The following WDR41 variants were observed in gnomAD, a reference collection of about 807,000 sequenced individuals.
The protein encoded by WDR41 is WD repeat-containing protein 41.
A neutral mutation model predicts 69.3 loss-of-function variants in WDR41; 63 were observed. The observed-to-expected ratio is 0.91, with a 90% CI of 0.74 to 1.12. The LOEUF is 1.12. Among genes scored for constraint, WDR41 ranks in the 50% most tolerant of loss-of-function variants. WDR41 has a pLI of 0.00. For synonymous variants in WDR41, 185 were observed against 192.1 expected, an observed-to-expected ratio of 0.96 and a Z score of 0.31; for missense variants, 543 against 534.5, an observed-to-expected ratio of 1.02 and a Z score of -0.16.
intron 1 of WDR41, among the ~76,000 whole-genome samples, chr5:77,612,343 A>C (rs1349285124): frequency 6.6e-6 from 1 of 152,228 alleles, no homozygotes; most frequent in Non-Finnish European, 1.5e-5. Flanking sequence ...ACAACCAAAA[A>C]AGAGAATTTT....
intron 5 of WDR41, among the ~76,000 whole-genome samples, chr5:77,457,265 G>A (rs1799871306): frequency 6.6e-6 from 1 of 152,182 alleles, no homozygotes; most frequent in South Asian, 2.1e-4. Context: ...TAGTCATGGT[G>A]TATAATTCTT....
chr5:77,437,375 T>G lies in WDR41; in HGVS notation c.1054A>C (p.Arg352=), dbSNP rs756083237. The stretch of plus-strand genomic sequence containing the variant: ...TCAGCTGCAAGCTGCTGTTTTTCTC[T>G]TAACTCCCAAATGCGTACACTGCCA... ...EDGSVRIWEL[R]EKQQLAAEPV... Residue 352 remains arginine (R), a synonymous_variant, in exon 11 of 13, where the codon AGA becomes CGA. Coordinates refer to ENST00000296679, the MANE Select transcript of WDR41 (RefSeq NM_018268.4). 3.1e-6 allele frequency: 5 copies of G among 1,614,018 alleles called. No individual in the cohort carries two copies. The East Asian group carries it at 6.7e-5, about 22-fold the overall frequency.
chr5:77,470,861 CA>C (rs1265388036), intron 2 of WDR41, among the ~76,000 whole-genome samples: 1 of 94,168 alleles, frequency 1.1e-5, no homozygotes, highest in Non-Finnish European at 1.9e-5. Context: ...CAACATTAGA[CA>C]GATCAACAAG....
chr5:77,488,058 T>C (rs1801602601), intron 2 of WDR41, among the ~76,000 whole-genome samples: 1 of 152,200 alleles, frequency 6.6e-6, no homozygotes. Flanking sequence ...TGTAATCCTG[T>C]GTATAGTGCT....
chr5:77,594,432 A>G (rs1031977646), intron 1 of WDR41, among the ~76,000 whole-genome samples: 3 of 152,044 alleles, frequency 2.0e-5, no homozygotes, highest in Non-Finnish European at 2.9e-5. Flanking sequence ...GTATATATAA[A>G]AAATAAAAAA....
chr5:77,550,610 G>C (rs1743278653), intron 1 of WDR41, among the ~76,000 whole-genome samples: 1 of 152,216 alleles, frequency 6.6e-6, no homozygotes, highest in Non-Finnish European at 1.5e-5. Context: ...GTGGAGAAAA[G>C]AGAATGCTTA....
intron 1 of WDR41, among the ~76,000 whole-genome samples, chr5:77,500,924 G>A (rs1180969617): frequency 6.6e-6 from 1 of 152,232 alleles, no homozygotes; most frequent in Admixed American, 6.5e-5. Flanking sequence ...TGGACAAATA[G>A]GAGCAGTTCC....
intron 1 of WDR41, among the ~76,000 whole-genome samples, chr5:77,513,488 C>T (rs940262860): frequency 2.0e-5 from 3 of 151,986 alleles, no homozygotes; most frequent in African/African-American, 7.2e-5. Context: ...CCTTTTTTTC[C>T]AATTAGCAAA....
chr5:77,442,878 C>T (rs369559849), intron 8 of WDR41, among the ~76,000 whole-genome samples: 1 of 94,898 alleles, frequency 1.1e-5, no homozygotes, highest in Non-Finnish European at 1.9e-5. Context: ...GGCGACAGAG[C>T]GAGACTCTGT....
chr5:77,488,880 G>C (rs1561201193), intron 2 of WDR41, among the ~76,000 whole-genome samples: 1 of 152,102 alleles, frequency 6.6e-6, no homozygotes, highest in Non-Finnish European at 1.5e-5. Flanking sequence ...AGTTGAATAT[G>C]GGCTTAATAT....
At chr5:77,463,273 G>T (rs780474791) in intron 3 of WDR41, 47 bp from the exon 4 acceptor site, 2 of 1,550,476 alleles carry the variant, frequency 1.3e-6, no homozygotes, top group South Asian at 1.2e-5. Context: ...TCACAATTTA[G>T]ATAATCATAA....
At chr5:77,496,166 G>C (rs335662), upstream of WDR41, among the ~76,000 whole-genome samples, 1 of 151,806 alleles carries the variant, frequency 6.6e-6, no homozygotes, top group Non-Finnish European at 1.5e-5. Flanking sequence ...CATCACATTC[G>C]ATGGTGAAAG....
intron 2 of WDR41, among the ~76,000 whole-genome samples, chr5:77,471,725 A>T (rs1407896568): frequency 6.6e-6 from 1 of 152,214 alleles, no homozygotes; most frequent in Non-Finnish European, 1.5e-5. Context: ...AGACTAAACC[A>T]GGAAGAAGCT....
At chr5:77,509,454 A>C (rs1802165539) in intron 1 of WDR41, among the ~76,000 whole-genome samples, 1 of 152,222 alleles carries the variant, frequency 6.6e-6, no homozygotes, top group African/African-American at 2.4e-5. Context: ...CATACTCAAA[A>C]GGGGAAAGAA....
intron 1 of WDR41, among the ~76,000 whole-genome samples, chr5:77,603,462 T>A (rs1461279457): frequency 6.6e-6 from 1 of 152,248 alleles, no homozygotes; most frequent in Non-Finnish European, 1.5e-5. Context: ...TTCTTGTATG[T>A]GTTGGACATT....
In WDR41 at chr5:77,492,200, C is replaced by A. The variant is rs760972886; in HGVS notation, c.21G>T (p.Gly7=). 6.2e-7 allele frequency: 1 copy of A among 1,612,530 alleles called. No individual in the cohort carries two copies. Among genetic ancestry groups the A allele is most frequent in the East Asian group, 2.2e-5 (1 of 44,826 alleles). MLRWLI[G]GGREPQGLAE... ...CCAGTCCCTGCGGTTCTCGGCCTCCCCCGATCAGCCATCGCAACATCCGGG... is the reference window on the plus strand; with the variant it reads ...CCAGTCCCTGCGGTTCTCGGCCTCCACCGATCAGCCATCGCAACATCCGGG... The change falls in exon 1 of 13, where the codon GGG becomes GGT. Residue 7 remains glycine (G), a synonymous_variant. Coordinates refer to ENST00000296679, the MANE Select transcript of WDR41 (RefSeq NM_018268.4).
intron 1 of WDR41, among the ~76,000 whole-genome samples, chr5:77,561,049 T>G (rs9293719): frequency 0.35 from 52,760 of 152,056 alleles, 11,650 homozygotes; most frequent in African/African-American, 0.61. Context: ...TGATTAGATG[T>G]TGACAAGTAT....
chr5:77,608,176 A>C (rs766857628), intron 1 of WDR41, among the ~76,000 whole-genome samples: 4 of 152,206 alleles, frequency 2.6e-5, no homozygotes, highest in African/African-American at 4.8e-5. Context: ...TACAGTATTT[A>C]TCCTTTTGAG....
At chr5:77,523,257 T>G (rs1437468953) in intron 1 of WDR41, among the ~76,000 whole-genome samples, 3 of 151,204 alleles carry the variant, frequency 2.0e-5, no homozygotes, top group Non-Finnish European at 4.4e-5. Flanking sequence ...GAGATTGCAG[T>G]GAGCCGAGAT....
Sources: allele counts gnomAD v4.1 joint callset (sites outside exome capture counted in the v4.1 genomes callset), GRCh38; gene constraint gnomAD v4.1.1; transcripts MANE v1.5; gene names NCBI Gene and HGNC (gene_info 2026-07-23, HGNC 2026-07-21).